OR2M3: variants seen among roughly 807,000 people sequenced by gnomAD.
OR2M3 encodes olfactory receptor 2M3.
Under a neutral mutation model 4.3 loss-of-function variants are expected in OR2M3, and 1 was observed. The observed-to-expected ratio is 0.23, with a 90% CI of 0.08 to 1.11. OR2M3 has a LOEUF of 1.11. OR2M3 is among the 50% of genes most tolerant of loss of function. The pLI, the probability that OR2M3 is intolerant of heterozygous loss-of-function variation, is 0.54. For missense variants in OR2M3, 410 were observed against 390.4 expected (o/e 1.05, Z -0.42); for synonymous variants, 151 against 139.4 (o/e 1.08, Z -0.59).
At position 248,203,510 on chromosome 1, in the gene OR2M3, C is replaced by T. The variant is rs267598499; in HGVS notation, c.443C>T (p.Ser148Phe). ...PKICGLMTAF[S>F]WILGSTDGII... ...ATTTGTGGACTTATGACTGCCTTTTCCTGGATCCTGGGCTCTACGGATGGA... is the reference window on the plus strand; with the variant it reads ...ATTTGTGGACTTATGACTGCCTTTTTCTGGATCCTGGGCTCTACGGATGGA... Residue 148 changes from serine (S) to phenylalanine (F), a missense_variant, in exon 2 of 2, where the codon TCC (serine) becomes TTC (phenylalanine). Coordinates refer to ENST00000641626, the MANE Select transcript of OR2M3 (RefSeq NM_001004689.2). 6.2e-7 allele frequency: 1 copy of T among 1,613,778 alleles called. No homozygotes were observed. The highest frequency in any genetic ancestry group is 8.5e-7 in the Non-Finnish European group (1 of 1,179,836).
intron 1 of OR2M3, among the ~76,000 whole-genome samples, chr1:248,202,605 C>G (rs77023012): frequency 0.019 from 2,842 of 152,198 alleles, 93 homozygotes; most frequent in African/African-American, 0.065. Context: ...TGTTAACACT[C>G]CTAGTAAAAA....
At position 248,207,120 on chromosome 1, in the gene OR2M3, T is replaced by TCC. The variant is rs1236716951; in HGVS notation, c.*3114_*3115insCC. On this transcript the variant is annotated 3_prime_UTR_variant, in exon 2 of 2. Transcript: ENST00000641626. ...CAAAGGTGTTCATAGTAGCCTTGAT[T>TCC]AATCATTTGTATTTCTATGGAATCA... 5.9e-5 allele frequency: 9 copies of TCC among 152,090 alleles called. No homozygotes were observed. The highest frequency in any genetic ancestry group is 2.2e-4 in the African/African-American group (9 of 41,430). 9.4% of individuals were successfully genotyped at this position (152,090 alleles called of 1,614,324 possible). A position where few individuals can be genotyped will look rare whatever the true frequency, so the allele number is the denominator to read the frequency against.
intron 1 of OR2M3, 74 bp from the exon 2 acceptor site, chr1:248,202,976 T>A: frequency 7.5e-7 from 1 of 1,339,202 alleles, no homozygotes; most frequent in Non-Finnish European, 1.0e-6. Flanking sequence ...ACTACAGAAG[T>A]TACCACAATC....
In OR2M3 at chr1:248,202,830, G is replaced by A. The variant is rs115366798; in HGVS notation, c.-18-220G>A. Among the ~76,000 whole-genome samples, 1,105 of 151,920 alleles carry A rather than the reference G, an allele frequency of 7.3e-3. 14 individuals are homozygous for A. The highest frequency in any genetic ancestry group is 0.025 in the African/African-American group (1,029 of 41,462). On this transcript the variant is annotated intron_variant, in intron 1 of 1. Transcript: ENST00000641626. Reference sequence around the variant, plus strand: ...TAATTCTAATTTTTCAATGGAGAAAGGGGATGCTCAGAAGAAAACCTTAGG... The same window carrying A: ...TAATTCTAATTTTTCAATGGAGAAAAGGGATGCTCAGAAGAAAACCTTAGG...
rs1325355106 is a variant in OR2M3, at chr1:248,204,103, C to T, written c.*97C>T. ...CCTTGAAAATGGGATTCATTGTGTA[C>T]ATAAATCTGCAATGACATATTTATG... On this transcript the variant is annotated 3_prime_UTR_variant, in exon 2 of 2. Coordinates refer to ENST00000641626, the MANE Select transcript of OR2M3 (RefSeq NM_001004689.2). The T allele has an allele frequency of 1.1e-5, 13 of 1,131,140 alleles. No individual in the cohort carries two copies. The East Asian group carries it at 3.1e-4, about 27-fold the overall frequency. The allele number at this position is 1,131,140 out of a possible 1,614,324, so 70.1% of individuals were successfully genotyped here.
chr1:248,203,470 C>T lies in OR2M3; in HGVS notation c.403C>T (p.Leu135Phe). ...AICHPLRYTN[L>F]MSPKICGLMT... is the part of the protein sequence containing the mutation. ...TTGCCACCCTCTAAGATACACCAAT[C>T]TCATGAGCCCTAAAATTTGTGGACT... The change falls in exon 2 of 2, where the codon CTC (leucine) becomes TTC (phenylalanine). Residue 135 changes from leucine (L) to phenylalanine (F), a missense_variant. Physicochemically the swap from Leu to Phe is conservative, Grantham distance 22. Transcript: ENST00000641626. 6.2e-7 allele frequency: 1 copy of T among 1,613,884 alleles called. No homozygotes were observed. Among genetic ancestry groups the T allele is most frequent in the Non-Finnish European group, 8.5e-7 (1 of 1,179,892 alleles).
Position 248,211,221 on chromosome 1 carries a change from C to G in OR2M3, c.*7215C>G, listed in dbSNP as rs1036247053. On this transcript the variant is annotated 3_prime_UTR_variant, in exon 2 of 2. Coordinates refer to ENST00000641626, the MANE Select transcript of OR2M3 (RefSeq NM_001004689.2). ...CTTGGAGATGCTGCTGTGACTTCAA[C>G]CCAGGTGACATCTTAACATTTGATC... is the stretch of plus-strand genomic sequence containing the variant. 4.6e-5 allele frequency: 7 copies of G among 152,046 alleles called. No individual in the cohort carries two copies. Among genetic ancestry groups the G allele is most frequent in the African/African-American group, 1.7e-4 (7 of 41,384 alleles). The allele number at this position is 152,046 out of a possible 1,614,324, so 9.4% of individuals were successfully genotyped here.
At position 248,210,678 on chromosome 1, in the gene OR2M3, C is replaced by A. The variant is rs1328371395; in HGVS notation, c.*6672C>A. 1 of 147,534 alleles carries A rather than the reference C, an allele frequency of 6.8e-6. No homozygotes were observed. The highest frequency in any genetic ancestry group is 1.5e-5 in the Non-Finnish European group (1 of 67,748). The allele number at this position is 147,534 out of a possible 1,614,324, so 9.1% of individuals were successfully genotyped here. On this transcript the variant is annotated 3_prime_UTR_variant, in exon 2 of 2. Coordinates refer to ENST00000641626, the MANE Select transcript of OR2M3 (RefSeq NM_001004689.2). ...CCCTTAAGAAGGTTCTTTGTAATCT[C>A]CCCAACTCTTAAGAAGGTTCTTTGT...
chr1:248,201,407 A>G (rs1429905351), intron 1 of OR2M3, among the ~76,000 whole-genome samples: 1 of 151,970 alleles, frequency 6.6e-6, no homozygotes, highest in East Asian at 1.9e-4. Flanking sequence ...CCCTTCTTTA[A>G]CTAAGTTTTC....
rs1223890758 is a variant in OR2M3, at chr1:248,209,360, T to G, written c.*5354T>G. 1 of 152,184 alleles carries G rather than the reference T, an allele frequency of 6.6e-6. No homozygotes were observed. The highest frequency in any genetic ancestry group is 1.5e-5 in the Non-Finnish European group (1 of 68,038). The allele number at this position is 152,184 out of a possible 1,614,324, so 9.4% of individuals were successfully genotyped here. On this transcript the variant is annotated 3_prime_UTR_variant, in exon 2 of 2. Transcript: ENST00000641626. ...TTTGGATCCATTGGTGGTGAACTGG[T>G]GTGATCTTTTGGGGGTATTACAGAA...
intron 1 of OR2M3, among the ~76,000 whole-genome samples, chr1:248,199,009 C>T (rs7550630): frequency 0.76 from 115,914 of 152,036 alleles, 44,333 homozygotes; most frequent in South Asian, 0.91. Context: ...CTGGGCACAG[C>T]ACCACAGTGT....
At chr1:248,198,170 A>T (rs1183347497) in intron 1 of OR2M3, among the ~76,000 whole-genome samples, 1 of 152,178 alleles carries the variant, frequency 6.6e-6, no homozygotes, top group Non-Finnish European at 1.5e-5. Context: ...TTAAAATATT[A>T]CCAGTGCCTT....
rs1055588929 is a variant in OR2M3, at chr1:248,203,140, A to C, written c.73A>C (p.Thr25Pro). The change falls in exon 2 of 2, where the codon ACC (threonine) becomes CCC (proline). Residue 25 changes from threonine (T) to proline (P), a missense_variant. Physicochemically the swap from Thr to Pro is conservative, Grantham distance 38. Coordinates refer to ENST00000641626, the MANE Select transcript of OR2M3 (RefSeq NM_001004689.2). ...AATCTTCAATCACAGCCCCACCCAC[A>C]CCTTCCTCTTCTTTCTGGTCCTGGC... ...LGIFNHSPTH[T>P]FLFFLVLAIF... The C allele has an allele frequency of 1.1e-4, 181 of 1,613,488 alleles. No homozygotes were observed. Among genetic ancestry groups the C allele is most frequent in the Non-Finnish European group, 1.5e-4 (177 of 1,179,884 alleles).
At chr1:248,198,158 C>T (rs1431851632) in intron 1 of OR2M3, among the ~76,000 whole-genome samples, 4 of 152,046 alleles carry the variant, frequency 2.6e-5, no homozygotes, top group Non-Finnish European at 5.9e-5. Flanking sequence ...TTGTAAAATG[C>T]TTTAAAATAT....
intron 1 of OR2M3, among the ~76,000 whole-genome samples, chr1:248,199,132 A>G (rs1666129232): frequency 6.6e-6 from 1 of 152,038 alleles, no homozygotes; most frequent in Non-Finnish European, 1.5e-5. Context: ...TTATTACAAA[A>G]GAAACATAGT....
chr1:248,201,719 G>C (rs998792668), intron 1 of OR2M3, among the ~76,000 whole-genome samples: 1 of 151,710 alleles, frequency 6.6e-6, no homozygotes, highest in African/African-American at 2.4e-5. Context: ...CCTTGCGATA[G>C]TTTACTGAGA....
chr1:248,203,661 T>G lies in OR2M3; in HGVS notation c.594T>G (p.Ile198Met), dbSNP rs768150514. 7 of 1,613,678 alleles carry G rather than the reference T, an allele frequency of 4.3e-6. No homozygotes were observed. The highest frequency in any genetic ancestry group is 2.7e-5 in the African/African-American group (2 of 74,890). ...SCSDTSIFEK[I>M]LFICCIVMIV... ...GTGACACATCAATATTTGAAAAGAT[T>G]CTTTTCATCTGCTGTATAGTAATGA... Residue 198 changes from isoleucine (I) to methionine (M), a missense_variant, in exon 2 of 2, where the codon ATT (isoleucine) becomes ATG (methionine). Ile to Met is a conservative substitution (Grantham distance 10). Transcript: ENST00000641626.
At chr1:248,199,609 T>C (rs1276037072) in intron 1 of OR2M3, among the ~76,000 whole-genome samples, 1 of 152,140 alleles carries the variant, frequency 6.6e-6, no homozygotes, top group African/African-American at 2.4e-5. Flanking sequence ...TCTTACTAAC[T>C]TAGAAGAAAT....
chr1:248,209,297 G>A lies in OR2M3; in HGVS notation c.*5291G>A, dbSNP rs1172119101. 1 of 151,810 alleles carries A rather than the reference G, an allele frequency of 6.6e-6. No homozygotes were observed. The highest frequency in any genetic ancestry group is 2.4e-5 in the African/African-American group (1 of 41,324). 9.4% of individuals were successfully genotyped at this position (151,810 alleles called of 1,614,324 possible). ...GCCTCTTTGATTAGCTTAATAATTG[G>A]CAATACTTTTTCTGGCAATTCAGAG... On this transcript the variant is annotated 3_prime_UTR_variant, in exon 2 of 2. Transcript: ENST00000641626.
Sources: allele counts gnomAD v4.1 joint callset (sites outside exome capture counted in the v4.1 genomes callset), GRCh38; gene constraint gnomAD v4.1.1; transcripts MANE v1.5; gene names NCBI Gene and HGNC (gene_info 2026-07-23, HGNC 2026-07-21).